Variants in CATSPERT observed in about 807,000 individuals in gnomAD.
CATSPERT encodes cation channel sperm-associated targeting subunit tau.
chr2:201,510,333 A>G, the CATSPERT span, among the ~76,000 whole-genome samples: 1 of 151,970 alleles, frequency 6.6e-6, no homozygotes, highest in Admixed American at 6.6e-5. Context: ...AGTCCCAGCT[A>G]CTCGGGAGGC....
chr2:201,575,210 G>T, the CATSPERT span: 1 of 1,267,644 alleles, frequency 7.9e-7, no homozygotes, highest in South Asian at 1.7e-5. Flanking sequence ...TAATATCAGA[G>T]TAAAGTTACA....
chr2:201,495,426 C>T, the CATSPERT span, among the ~76,000 whole-genome samples: 4 of 152,096 alleles, frequency 2.6e-5, no homozygotes, highest in African/African-American at 9.7e-5. Context: ...GTGTAATATT[C>T]ATAAGCAGCT....
At chr2:201,509,334 GTTGGTGT>G in the CATSPERT span, among the ~76,000 whole-genome samples, 253 of 150,860 alleles carry the variant, frequency 1.7e-3, 6 homozygotes, top group Non-Finnish European at 2.7e-3. Flanking sequence ...GTTGTTTTTT[GTTGGTGT>G]TGAGTTGTAG....
the CATSPERT span, among the ~76,000 whole-genome samples, chr2:201,567,692 T>C: frequency 6.6e-6 from 1 of 152,250 alleles, no homozygotes; most frequent in African/African-American, 2.4e-5. Flanking sequence ...TCAATCTTTT[T>C]GTTTCATTCA....
chr2:201,520,837 C>A, the CATSPERT span, among the ~76,000 whole-genome samples: 1 of 147,584 alleles, frequency 6.8e-6, no homozygotes, highest in Non-Finnish European at 1.5e-5. Context: ...CGTGGTGAGT[C>A]AAGATCGTGC....
the CATSPERT span, chr2:201,493,721 A>G: frequency 2.0e-6 from 3 of 1,537,370 alleles, no homozygotes; most frequent in Non-Finnish European, 2.6e-6. Context: ...AATTCTGAGA[A>G]TATTGGTGCA....
chr2:201,510,391 C>A, the CATSPERT span, among the ~76,000 whole-genome samples: 2 of 152,108 alleles, frequency 1.3e-5, no homozygotes, highest in Admixed American at 1.3e-4. Context: ...TTGCAGTGAG[C>A]CAAGGTTGCA....
chr2:201,560,026 A>T, the CATSPERT span, among the ~76,000 whole-genome samples: 1 of 152,370 alleles, frequency 6.6e-6, no homozygotes, highest in South Asian at 2.1e-4. Flanking sequence ...CAGACAATTA[A>T]ATCAGGAAAA....
the CATSPERT span, chr2:201,491,837 G>A: frequency 6.5e-7 from 1 of 1,536,922 alleles, no homozygotes; most frequent in Non-Finnish European, 8.7e-7. Context: ...CAACTATATG[G>A]GTCTTGAATC....
At chr2:201,523,986 G>A in the CATSPERT span, among the ~76,000 whole-genome samples, 1 of 152,010 alleles carries the variant, frequency 6.6e-6, no homozygotes, top group African/African-American at 2.4e-5. Flanking sequence ...GAGAAATATA[G>A]GGTTATGTAA....
the CATSPERT span, among the ~76,000 whole-genome samples, chr2:201,613,971 C>A: frequency 6.6e-6 from 1 of 151,796 alleles, no homozygotes; most frequent in African/African-American, 2.4e-5. Context: ...GATTGAAGAT[C>A]AAATGAATGA....
At chr2:201,537,738 A>G in the CATSPERT span, among the ~76,000 whole-genome samples, 1 of 151,924 alleles carries the variant, frequency 6.6e-6, no homozygotes, top group Non-Finnish European at 1.5e-5. Flanking sequence ...ATTTTTTAAA[A>G]GTTGGGAGGA....
chr2:201,584,788 AAAAGAAAG>A, the CATSPERT span, among the ~76,000 whole-genome samples: 4 of 152,100 alleles, frequency 2.6e-5, no homozygotes, highest in South Asian at 4.1e-4. Flanking sequence ...GTCTCAAAAA[AAAAGAAAG>A]AAAGAAAGAA....
At chr2:201,518,992 C>T in the CATSPERT span, among the ~76,000 whole-genome samples, 8 of 152,256 alleles carry the variant, frequency 5.3e-5, no homozygotes, top group African/African-American at 1.7e-4. Flanking sequence ...GGAGATGATC[C>T]AGCATATAAC....
the CATSPERT span, among the ~76,000 whole-genome samples, chr2:201,610,551 T>C: frequency 8.6e-5 from 13 of 151,930 alleles, no homozygotes; most frequent in Non-Finnish European, 1.6e-4. Flanking sequence ...AGAACTAACA[T>C]GAATTCTCCT....
chr2:201,523,163 T>C, the CATSPERT span, among the ~76,000 whole-genome samples: 3 of 152,312 alleles, frequency 2.0e-5, no homozygotes, highest in South Asian at 4.1e-4. Context: ...GCCGCTGCCA[T>C]CATGCTGACC....
At chr2:201,532,786 C>G in the CATSPERT span, among the ~76,000 whole-genome samples, 1 of 152,044 alleles carries the variant, frequency 6.6e-6, no homozygotes, top group African/African-American at 2.4e-5. Flanking sequence ...TCAAATGCGG[C>G]TAAGTAGTCA....
At chr2:201,595,448 A>G in the CATSPERT span, among the ~76,000 whole-genome samples, 1 of 151,854 alleles carries the variant, frequency 6.6e-6, no homozygotes, top group South Asian at 2.1e-4. Flanking sequence ...TCGGCCTCCC[A>G]AAGTGCTGGG....
chr2:201,566,199 T>A, the CATSPERT span, among the ~76,000 whole-genome samples: 3 of 151,406 alleles, frequency 2.0e-5, no homozygotes, highest in African/African-American at 4.9e-5. Flanking sequence ...ACTCTTTTTT[T>A]AAATTTCTTT....
Sources: gnomAD v4.1 joint callset for allele counts (sites outside exome capture counted in the v4.1 genomes callset) on GRCh38, gnomAD v4.1.1 for gene constraint, MANE v1.5 for transcripts, NCBI Gene and HGNC (gene_info 2026-07-23, HGNC 2026-07-21) for gene names.